Variants in ENTPD1 observed in about 807,000 individuals in gnomAD.
ENTPD1 encodes the protein ectonucleoside triphosphate diphosphohydrolase 1.
A neutral mutation model predicts 57.0 loss-of-function variants in ENTPD1; 33 were observed. That is an observed-to-expected ratio of 0.58 (90% CI 0.44 to 0.77). The LOEUF is 0.77. Ranked by LOEUF, ENTPD1 falls within the 30% of genes least tolerant of loss-of-function variation. The pLI is 0.00. For missense variants in ENTPD1, 501 were observed against 603.4 expected, an observed-to-expected ratio of 0.83 and a Z score of 1.78; for synonymous variants, 202 against 218.8, an observed-to-expected ratio of 0.92 and a Z score of 0.68.
Position 95,853,979 on chromosome 10 carries a change from A to G in ENTPD1, c.1074+6273A>G, listed in dbSNP as rs4481957. On this transcript the variant is annotated intron_variant, in intron 7 of 9. Coordinates refer to ENST00000371205, the MANE Select transcript of ENTPD1 (RefSeq NM_001776.6). ...GTTAGGGCAGATTCCCTCTTTTTCT[A>G]TTGATTGGAATAGTTTCAGAAGGAA... 1.8e-4 allele frequency among the ~76,000 whole-genome samples: 27 copies of G among 152,014 alleles called. 1 individual carries two copies. The highest frequency in any genetic ancestry group is 5.1e-4 in the African/African-American group (21 of 41,372).
intron 1 of ENTPD1, among the ~76,000 whole-genome samples, chr10:95,806,113 C>A (rs943556144): frequency 6.6e-6 from 1 of 150,634 alleles, no homozygotes; most frequent in Non-Finnish European, 1.5e-5. Context: ...TTCTCCCTGT[C>A]ACTTTCAGGT....
chr10:95,844,990 C>T (rs1449733552), intron 5 of ENTPD1: 1 of 467,844 alleles, frequency 2.1e-6, no homozygotes, highest in Admixed American at 3.4e-5. Flanking sequence ...CTTAGAACAA[C>T]ACTATGAGGT....
At chr10:95,710,808 C>G (rs1485111517), upstream of ENTPD1, among the ~76,000 whole-genome samples, 2 of 152,128 alleles carry the variant, frequency 1.3e-5, no homozygotes, top group East Asian at 3.9e-4. Context: ...AATTTTGACT[C>G]TATGGCAGAA....
At chr10:95,839,664 T>C (rs1487401762) in intron 2 of ENTPD1, 27 bp from the exon 3 acceptor site, 1 of 1,608,562 alleles carries the variant, frequency 6.2e-7, no homozygotes, top group Middle Eastern at 1.7e-4. Flanking sequence ...GTGATACTGA[T>C]AAGTTTTTGG....
chr10:95,832,511 C>G (rs564108071), intron 2 of ENTPD1, among the ~76,000 whole-genome samples: 1 of 152,236 alleles, frequency 6.6e-6, no homozygotes, highest in East Asian at 1.9e-4. Context: ...GCTTGGTTCC[C>G]CACTTCCTTG....
chr10:95,768,353 C>G (rs1178931721), intron 1 of ENTPD1, among the ~76,000 whole-genome samples: 1 of 151,256 alleles, frequency 6.6e-6, no homozygotes, highest in Non-Finnish European at 1.5e-5. Context: ...TTGATTAATG[C>G]TGCTGTTTTG....
At chr10:95,850,880 C>T (rs1484279075) in intron 7 of ENTPD1, among the ~76,000 whole-genome samples, 4 of 152,198 alleles carry the variant, frequency 2.6e-5, no homozygotes, top group African/African-American at 9.7e-5. Flanking sequence ...TGTTCTCAAG[C>T]CACAGAGAAT....
chr10:95,747,515 G>A (rs1044566911), intron 1 of ENTPD1, among the ~76,000 whole-genome samples: 2 of 152,152 alleles, frequency 1.3e-5, no homozygotes, highest in Non-Finnish European at 2.9e-5. Context: ...CACCCTATCC[G>A]ACTAGCTCTG....
At chr10:95,808,003 C>G (rs1487559412) in intron 1 of ENTPD1, among the ~76,000 whole-genome samples, 1 of 152,164 alleles carries the variant, frequency 6.6e-6, no homozygotes, top group Non-Finnish European at 1.5e-5. Context: ...TGCCAGTTTT[C>G]AAGGGGAATG....
At chr10:95,861,923 G>A (rs1420086153) in intron 8 of ENTPD1, among the ~76,000 whole-genome samples, 1 of 151,984 alleles carries the variant, frequency 6.6e-6, no homozygotes, top group African/African-American at 2.4e-5. Context: ...ATGAACCCAG[G>A]AGGCGGAGCT....
At chr10:95,733,221 C>T (rs946689011) in intron 1 of ENTPD1, among the ~76,000 whole-genome samples, 2 of 152,188 alleles carry the variant, frequency 1.3e-5, no homozygotes, top group Non-Finnish European at 2.9e-5. Context: ...CAATATTTCT[C>T]CTATTTACTT....
intron 1 of ENTPD1, among the ~76,000 whole-genome samples, chr10:95,809,475 C>T (rs186933042): frequency 0.26 from 33,823 of 129,648 alleles, 4,888 homozygotes; most frequent in Admixed American, 0.37. Context: ...ACCTCCCAGA[C>T]GGGGCGGCCG....
chr10:95,774,410 C>T (rs942773914), intron 1 of ENTPD1, among the ~76,000 whole-genome samples: 6 of 152,164 alleles, frequency 3.9e-5, no homozygotes, highest in African/African-American at 1.4e-4. Context: ...TTGCCCATAC[C>T]TATGTCCTGA....
In ENTPD1 at chr10:95,876,462, A is replaced by G. The variant is rs563488129; in HGVS notation, c.*10079A>G. The G allele has an allele frequency of 2.7e-5, 33 of 1,231,410 alleles. No individual in the cohort carries two copies. The African/African-American group carries it at 4.8e-4, about 18-fold the overall frequency. 76.3% of individuals were successfully genotyped at this position (1,231,410 alleles called of 1,614,324 possible). Reference sequence around the variant, plus strand: ...TAGGCATACCATAATTGTAATCAATAGCTTAAAAATATGTCTCTCTGTCCT... The same window carrying G: ...TAGGCATACCATAATTGTAATCAATGGCTTAAAAATATGTCTCTCTGTCCT... On this transcript the variant is annotated 3_prime_UTR_variant, in exon 10 of 10. Transcript: ENST00000371205.
At chr10:95,751,637 C>A (rs905767780), upstream of ENTPD1, among the ~76,000 whole-genome samples, 1 of 151,846 alleles carries the variant, frequency 6.6e-6, no homozygotes, top group African/African-American at 2.4e-5. Flanking sequence ...ATCGCTTGAA[C>A]CTGGGAGGCA....
intron 3 of ENTPD1, 94 bp from the exon 4 acceptor site, chr10:95,842,249 AT>A: frequency 8.5e-7 from 1 of 1,180,574 alleles, no homozygotes; most frequent in Non-Finnish European, 1.2e-6. Context: ...GTTTTCTTGT[AT>A]TTTTTTCAAA....
intron 1 of ENTPD1, among the ~76,000 whole-genome samples, chr10:95,813,316 G>T (rs927900596): frequency 5.7e-4 from 87 of 152,320 alleles, no homozygotes; most frequent in African/African-American, 1.9e-3. Flanking sequence ...AGAACCATCT[G>T]CATGTGTAAT....
chr10:95,725,067 G>C (rs888373969), intron 1 of ENTPD1, among the ~76,000 whole-genome samples: 1 of 151,978 alleles, frequency 6.6e-6, no homozygotes, highest in African/African-American at 2.4e-5. Flanking sequence ...ACTTGAATCA[G>C]ATCCTTTCTA....
intron 1 of ENTPD1, among the ~76,000 whole-genome samples, chr10:95,713,601 C>A (rs1429446875): frequency 1.3e-5 from 2 of 152,210 alleles, no homozygotes; most frequent in Admixed American, 6.5e-5. Context: ...GGGTTTGATT[C>A]CTTGTCAGAG....
Sources: gnomAD v4.1 joint callset for allele counts (sites outside exome capture counted in the v4.1 genomes callset) on GRCh38, gnomAD v4.1.1 for gene constraint, MANE v1.5 for transcripts, NCBI Gene and HGNC (gene_info 2026-07-23, HGNC 2026-07-21) for gene names.